Variants in PLCB4 observed in about 807,000 individuals in gnomAD.
PLCB4 encodes 1-phosphatidylinositol 4,5-bisphosphate phosphodiesterase beta-4.
Under a neutral mutation model 178.8 loss-of-function variants are expected in PLCB4, and 77 were observed. That is an observed-to-expected ratio of 0.43 (90% CI 0.36 to 0.52). PLCB4 has a LOEUF of 0.52. Ranked by LOEUF, PLCB4 falls within the 20% of genes least tolerant of loss-of-function variation. The pLI, the probability that PLCB4 is intolerant of heterozygous loss-of-function variation, is 0.00. For synonymous variants in PLCB4, 496 were observed against 490.8 expected, an observed-to-expected ratio of 1.01 and a Z score of -0.14; for missense variants, 1,024 against 1,453.4, an observed-to-expected ratio of 0.70 and a Z score of 4.80.
chr20:9,084,514 T>C (rs2146532518), intron 1 of PLCB4, among the ~76,000 whole-genome samples: 1 of 114,352 alleles, frequency 8.7e-6, no homozygotes, highest in East Asian at 2.1e-4. Context: ...GTAATTTTTT[T>C]TTTTGTGTGG....
rs959382226 is a variant in PLCB4, at chr20:9,480,712, T to C, written c.*1703T>C. The C allele has an allele frequency of 8.5e-5, 13 of 152,208 alleles. No homozygotes were observed. Among genetic ancestry groups the C allele is most frequent in the Non-Finnish European group, 1.0e-4 (7 of 68,036 alleles). 9.4% of individuals were successfully genotyped at this position (152,208 alleles called of 1,614,324 possible). A position where few individuals can be genotyped will look rare whatever the true frequency, so the allele number is the denominator to read the frequency against. On this transcript the variant is annotated 3_prime_UTR_variant, in exon 40 of 40. Coordinates refer to ENST00000378473, the MANE Select transcript of PLCB4 (RefSeq NM_001377142.1). Reference sequence around the variant, plus strand: ...AAATATCTCTTGTTCTTAGTTTCCTTATCTGTAAAACAGTGGAGTTAGACT... The same window carrying C: ...AAATATCTCTTGTTCTTAGTTTCCTCATCTGTAAAACAGTGGAGTTAGACT...
chr20:9,456,615 C>T (rs1190107940), intron 33 of PLCB4, among the ~76,000 whole-genome samples: 3 of 152,224 alleles, frequency 2.0e-5, no homozygotes, highest in African/African-American at 2.4e-5. Context: ...AATTAAGTCA[C>T]GGGAATGTTT....
intron 3 of PLCB4, among the ~76,000 whole-genome samples, chr20:9,294,591 T>C (rs2094612685): frequency 6.6e-6 from 1 of 152,160 alleles, no homozygotes; most frequent in South Asian, 2.1e-4. Context: ...GCCAGCTTCT[T>C]TTCCTGGTAA....
intron 35 of PLCB4, among the ~76,000 whole-genome samples, chr20:9,461,048 C>G (rs896903143): frequency 6.6e-6 from 1 of 152,180 alleles, no homozygotes; most frequent in Non-Finnish European, 1.5e-5. Context: ...TTGATGATTG[C>G]TACAATGCCA....
At chr20:9,454,131 T>C (rs185492764) in intron 33 of PLCB4, among the ~76,000 whole-genome samples, 1 of 152,384 alleles carries the variant, frequency 6.6e-6, no homozygotes, top group East Asian at 1.9e-4. Context: ...TTTTGTAGAA[T>C]GGCTCTTCTT....
chr20:9,201,343 C>T (rs1333228622), intron 2 of PLCB4, among the ~76,000 whole-genome samples: 3 of 151,980 alleles, frequency 2.0e-5, no homozygotes, highest in Non-Finnish European at 4.4e-5. Context: ...TTTGCATTAT[C>T]AATAATGTAG....
intron 28 of PLCB4, 83 bp from the exon 29 acceptor site, chr20:9,435,477 T>C (rs895285363): frequency 7.4e-6 from 6 of 810,952 alleles, no homozygotes; most frequent in Admixed American, 2.0e-5. Context: ...GTATCCAGGA[T>C]TGTAGTTTAT....
chr20:9,162,353 G>A (rs1218828659), intron 2 of PLCB4, among the ~76,000 whole-genome samples: 4 of 152,130 alleles, frequency 2.6e-5, no homozygotes, highest in African/African-American at 9.7e-5. Context: ...GGCGATTTGT[G>A]TATGTTTTGG....
intron 4 of PLCB4, among the ~76,000 whole-genome samples, chr20:9,328,379 A>G (rs1192008943): frequency 6.6e-6 from 1 of 152,238 alleles, no homozygotes; most frequent in Non-Finnish European, 1.5e-5. Flanking sequence ...ATTCTTACAA[A>G]ATACACTCCC....
intron 2 of PLCB4, among the ~76,000 whole-genome samples, chr20:9,112,836 T>C (rs1485770274): frequency 6.6e-6 from 1 of 151,870 alleles, no homozygotes; most frequent in Non-Finnish European, 1.5e-5. Flanking sequence ...GGAAAACTGA[T>C]TTTGCATGCA....
intron 3 of PLCB4, among the ~76,000 whole-genome samples, chr20:9,250,058 C>T (rs896277047): frequency 1.3e-5 from 2 of 152,134 alleles, no homozygotes; most frequent in Non-Finnish European, 2.9e-5. Flanking sequence ...TCATATGCAC[C>T]ATTGCCTCTA....
chr20:9,470,906 A>T (rs2044148968), intron 36 of PLCB4, among the ~76,000 whole-genome samples: 1 of 152,228 alleles, frequency 6.6e-6, no homozygotes, highest in Admixed American at 6.5e-5. Context: ...TTTTTAAAAA[A>T]TAATTTTTCT....
chr20:9,171,900 G>A (rs1183103868), intron 2 of PLCB4, among the ~76,000 whole-genome samples: 1 of 152,066 alleles, frequency 6.6e-6, no homozygotes, highest in Non-Finnish European at 1.5e-5. Context: ...TCCATATTTG[G>A]CAGAGTGCTT....
At chr20:9,287,669 A>T (rs766892570) in intron 3 of PLCB4, among the ~76,000 whole-genome samples, 2 of 152,076 alleles carry the variant, frequency 1.3e-5, no homozygotes, top group Non-Finnish European at 2.9e-5. Flanking sequence ...TTTCAGGCTC[A>T]TGAGGGATTT....
At chr20:9,166,307 T>TA (rs1278127708) in intron 2 of PLCB4, 1 of 152,168 alleles carries the variant, frequency 6.6e-6, no homozygotes, top group Non-Finnish European at 1.5e-5. Context: ...CTCTTCTTGT[T>TA]ATGTTTGGGG....
intron 20 of PLCB4, 48 bp downstream of exon 20, chr20:9,401,638 T>C (rs984357463): frequency 1.5e-6 from 2 of 1,301,060 alleles, no homozygotes; most frequent in African/African-American, 2.9e-5. Flanking sequence ...GCAGCTGTTA[T>C]TTATGAAATT....
chr20:9,302,637 T>C (rs1232659043), intron 3 of PLCB4, among the ~76,000 whole-genome samples: 1 of 152,140 alleles, frequency 6.6e-6, no homozygotes, highest in Non-Finnish European at 1.5e-5. Context: ...TCACCTCCAC[T>C]GCAGAAGAGA....
intron 7 of PLCB4, among the ~76,000 whole-genome samples, chr20:9,353,370 G>C (rs181960471): frequency 2.0e-5 from 3 of 152,194 alleles, no homozygotes; most frequent in Admixed American, 1.3e-4. Flanking sequence ...GCATGTGGGC[G>C]TTTCCAACAC....
intron 2 of PLCB4, among the ~76,000 whole-genome samples, chr20:9,131,643 C>G (rs1026432250): frequency 1.3e-5 from 2 of 152,134 alleles, no homozygotes; most frequent in African/African-American, 4.8e-5. Context: ...TTCAAAAAGT[C>G]TGGGCAAAAG....
Sources: gnomAD v4.1 joint callset for allele counts (sites outside exome capture counted in the v4.1 genomes callset) on GRCh38, gnomAD v4.1.1 for gene constraint, MANE v1.5 for transcripts, NCBI Gene and HGNC (gene_info 2026-07-23, HGNC 2026-07-21) for gene names.